The following AGBL1 variants were observed in gnomAD, a reference collection of about 807,000 sequenced individuals.
The protein encoded by AGBL1 is cytosolic carboxypeptidase 4.
A neutral mutation model predicts 118.9 loss-of-function variants in AGBL1; 130 were observed. That is an observed-to-expected ratio of 1.09 (90% CI 0.95 to 1.26). The LOEUF (loss-of-function observed/expected upper bound fraction) is 1.26. AGBL1 is among the 50% of genes most tolerant of loss of function. The pLI is 0.00. For synonymous variants in AGBL1, 555 were observed against 478.9 expected, an observed-to-expected ratio of 1.16 and a Z score of -2.08; for missense variants, 1,584 against 1,298.1, an observed-to-expected ratio of 1.22 and a Z score of -3.38.
rs2084688943 is a variant in AGBL1, at chr15:86,613,877, G to A, written c.2994+59340G>A. On this transcript the variant is annotated intron_variant, in intron 21 of 22. Coordinates refer to ENST00000614907, the MANE Select transcript of AGBL1 (RefSeq NM_001386094.1). This position sits in a 1 kb window ranked among gnomAD's most constrained non-coding sequence, Gnocchi z 4.2. Reference sequence around the variant, plus strand: ...CATGTTAATGTTTGAGAAGTCCTGAGTGAAAAGACCAATCTCTAGGGATGT... The same window carrying A: ...CATGTTAATGTTTGAGAAGTCCTGAATGAAAAGACCAATCTCTAGGGATGT... Among the ~76,000 whole-genome samples, 1 of 152,192 alleles carries A rather than the reference G, an allele frequency of 6.6e-6. No homozygotes were observed. The highest frequency in any genetic ancestry group is 2.4e-5 in the African/African-American group (1 of 41,454).
chr15:86,352,803 T>G (rs1235196485), intron 17 of AGBL1, among the ~76,000 whole-genome samples: 1 of 152,140 alleles, frequency 6.6e-6, no homozygotes, highest in Non-Finnish European at 1.5e-5. Context: ...CTTTACTCTT[T>G]AGGCCCATGG....
At chr15:86,923,043 G>A (rs1461661282) in intron 23 of AGBL1, among the ~76,000 whole-genome samples, 5 of 152,188 alleles carry the variant, frequency 3.3e-5, no homozygotes, top group South Asian at 2.1e-4. Flanking sequence ...CAGCAAGAAG[G>A]AGTCCAGGTA....
intron 6 of AGBL1, among the ~76,000 whole-genome samples, chr15:86,237,595 G>A (rs1277222998): frequency 1.3e-5 from 2 of 152,144 alleles, no homozygotes; most frequent in South Asian, 2.1e-4. Context: ...TCTAGACCTG[G>A]AAGGGATAAT....
chr15:86,697,607 T>G (rs556197112), intron 22 of AGBL1, among the ~76,000 whole-genome samples: 1 of 152,018 alleles, frequency 6.6e-6, no homozygotes, highest in South Asian at 2.1e-4. Flanking sequence ...TTCTTCTTGG[T>G]TTGGCTCCAT....
intron 24 of AGBL1, chr15:86,988,290 T>C (rs1471014697): frequency 1.8e-6 from 1 of 542,896 alleles, no homozygotes; most frequent in East Asian, 3.3e-5. Flanking sequence ...TTCACACAAA[T>C]GAATACGATT....
At chr15:86,208,570 T>G (rs1337324208) in intron 5 of AGBL1, among the ~76,000 whole-genome samples, 2 of 152,206 alleles carry the variant, frequency 1.3e-5, no homozygotes, top group Admixed American at 6.5e-5. Flanking sequence ...GTCCAGGAAT[T>G]TATCCATTTC....
intron 5 of AGBL1, among the ~76,000 whole-genome samples, chr15:86,200,291 G>A (rs998488867): frequency 1.3e-5 from 2 of 152,138 alleles, no homozygotes; most frequent in African/African-American, 4.8e-5. Context: ...TGATGGATCA[G>A]AGACTTAAAA....
chr15:86,224,927 G>C lies in AGBL1; in HGVS notation c.502G>C (p.Val168Leu). 1 of 1,613,074 alleles carries C rather than the reference G, an allele frequency of 6.2e-7. No homozygotes were observed. The highest frequency in any genetic ancestry group is 8.5e-7 in the Non-Finnish European group (1 of 1,179,384). ...RTQAIRAATE[V>L]LAALLKSKSN... Reference sequence around the variant, plus strand: ...CTCTTTCCCCAGGGCAGCCACTGAAGTTTTGGCAGCATTGCTGAAATCCAG... The same window carrying C: ...CTCTTTCCCCAGGGCAGCCACTGAACTTTTGGCAGCATTGCTGAAATCCAG... Residue 168 changes from valine to leucine, a missense_variant, in exon 6 of 23, where the codon GTT becomes CTT. Transcript: ENST00000614907.
At chr15:87,021,123 A>T (rs943621910) in intron 24 of AGBL1, among the ~76,000 whole-genome samples, 2 of 152,174 alleles carry the variant, frequency 1.3e-5, no homozygotes, top group African/African-American at 4.8e-5. Flanking sequence ...ACAGTAACCA[A>T]AACAGCATGG....
intron 21 of AGBL1, among the ~76,000 whole-genome samples, chr15:86,599,656 C>T (rs2084464636): frequency 6.6e-6 from 1 of 152,006 alleles, no homozygotes; most frequent in South Asian, 2.1e-4. Flanking sequence ...CCACAATGGC[C>T]CAGTAAGCTA....
chr15:86,852,079 A>G (rs939639006), intron 22 of AGBL1, among the ~76,000 whole-genome samples: 3 of 152,122 alleles, frequency 2.0e-5, no homozygotes, highest in Non-Finnish European at 4.4e-5. Flanking sequence ...TCACACTGCT[A>G]TAAATATACT....
chr15:87,012,223 ACACACG>A (rs1338506645), intron 24 of AGBL1, among the ~76,000 whole-genome samples: 3 of 147,198 alleles, frequency 2.0e-5, no homozygotes, highest in African/African-American at 7.9e-5. Context: ...ACACACACAC[ACACACG>A]CTTGCATATC....
At chr15:86,836,477 T>C (rs560167848) in intron 22 of AGBL1, among the ~76,000 whole-genome samples, 62 of 152,168 alleles carry the variant, frequency 4.1e-4, no homozygotes, top group African/African-American at 1.2e-3. Flanking sequence ...CATCAGGCAA[T>C]AGTATCCTAA....
intron 6 of AGBL1, among the ~76,000 whole-genome samples, chr15:86,241,088 T>A (rs1267633420): frequency 1.3e-5 from 2 of 152,168 alleles, no homozygotes; most frequent in Admixed American, 1.3e-4. Flanking sequence ...AACTTCAGCA[T>A]GCGTAAAGAG....
At chr15:86,194,288 G>A (rs2077766248) in intron 5 of AGBL1, among the ~76,000 whole-genome samples, 1 of 152,062 alleles carries the variant, frequency 6.6e-6, no homozygotes, top group South Asian at 2.1e-4. Flanking sequence ...TCAGTGTTTT[G>A]CGTGATCCTA....
At chr15:86,544,247 T>C (rs915943810) in intron 19 of AGBL1, among the ~76,000 whole-genome samples, 6 of 152,204 alleles carry the variant, frequency 3.9e-5, no homozygotes, top group Non-Finnish European at 8.8e-5. Flanking sequence ...TGGCTTGATA[T>C]CAGCTAGGTC....
intron 17 of AGBL1, among the ~76,000 whole-genome samples, chr15:86,351,224 G>T (rs2080620961): frequency 6.6e-6 from 1 of 152,144 alleles, no homozygotes; most frequent in Admixed American, 6.5e-5. Flanking sequence ...GAAGGACAAA[G>T]ACTAGGTAAG....
At chr15:86,785,669 G>A (rs1035512682) in intron 22 of AGBL1, among the ~76,000 whole-genome samples, 4 of 152,048 alleles carry the variant, frequency 2.6e-5, no homozygotes, top group African/African-American at 4.8e-5. Flanking sequence ...TGCTCGGCCC[G>A]AGATGTGCGT....
intron 1 of AGBL1, among the ~76,000 whole-genome samples, chr15:86,099,316 C>G (rs996751831): frequency 6.6e-6 from 1 of 151,828 alleles, no homozygotes; most frequent in African/African-American, 2.4e-5. Context: ...TGTTTGGTAG[C>G]TATTGTGAGA....
Sources: allele counts gnomAD v4.1 joint callset (sites outside exome capture counted in the v4.1 genomes callset), GRCh38; gene constraint gnomAD v4.1.1; non-coding constraint Gnocchi (gnomAD v3.1); transcripts MANE v1.5; gene names NCBI Gene and HGNC (gene_info 2026-07-23, HGNC 2026-07-21).